EPB41L1: variants seen among roughly 807,000 people sequenced by gnomAD.
EPB41L1 encodes the protein erythrocyte membrane protein band 4.1 like 1.
A neutral mutation model predicts 97.8 loss-of-function variants in EPB41L1; 29 were observed. The ratio of observed to expected loss-of-function variants is 0.30; its 90% confidence interval spans 0.22 to 0.40. The LOEUF (loss-of-function observed/expected upper bound fraction) is 0.40, where lower values mean the gene tolerates loss of function less well. Among genes scored for constraint, EPB41L1 ranks in the 10% least tolerant of loss-of-function variants. The pLI is 1.00. For synonymous variants in EPB41L1, 383 were observed against 459.2 expected (o/e 0.83, Z 2.12); for missense variants, 812 against 1,162.3 (o/e 0.70, Z 4.38).
chr20:36,176,380 G>A (rs756266197), intron 3 of EPB41L1, among the ~76,000 whole-genome samples: 5 of 152,208 alleles, frequency 3.3e-5, no homozygotes, highest in East Asian at 1.9e-4. Flanking sequence ...CTGAGCTCTC[G>A]CTCGCCCCCT....
intron 14 of EPB41L1, chr20:36,201,087 C>T: frequency 2.5e-6 from 1 of 404,274 alleles, no homozygotes; most frequent in Non-Finnish European, 5.0e-6. Context: ...CAGATTCTGC[C>T]AAGCAGTTGG....
chr20:36,129,171 T>G (rs938942805), intron 2 of EPB41L1, among the ~76,000 whole-genome samples: 1 of 150,498 alleles, frequency 6.6e-6, no homozygotes, highest in African/African-American at 2.5e-5. Context: ...GTCCTGGGAG[T>G]GGTTTGGTTT....
chr20:36,138,813 G>A (rs2059520407), intron 2 of EPB41L1, among the ~76,000 whole-genome samples: 1 of 152,086 alleles, frequency 6.6e-6, no homozygotes, highest in Non-Finnish European at 1.5e-5. Flanking sequence ...TTTAACTATT[G>A]TGACATGCTG....
At chr20:36,142,284 A>C (rs569272612) in intron 2 of EPB41L1, among the ~76,000 whole-genome samples, 1 of 152,324 alleles carries the variant, frequency 6.6e-6, no homozygotes, top group South Asian at 2.1e-4. Context: ...GTATTTCAGC[A>C]TATGTATGTA....
chr20:36,207,812 G>A lies in EPB41L1; in HGVS notation c.1669-1676G>A, dbSNP rs913186368. ...GGCCGCGTGAGCCCCCGCCCCCACC[G>A]CTGCTCCCCGCCCATGGGGGCTGGC... is the stretch of plus-strand genomic sequence containing the variant. On this transcript the variant is annotated intron_variant, in intron 14 of 21. Coordinates refer to ENST00000338074, the MANE Select transcript of EPB41L1 (RefSeq NM_012156.2). This position sits in a 1 kb window ranked among gnomAD's most constrained non-coding sequence, Gnocchi z 4.9. 3.8e-5 allele frequency: 48 copies of A among 1,272,560 alleles called. No homozygotes were observed. The highest frequency in any genetic ancestry group is 9.4e-5 in the Admixed American group (4 of 42,500). 78.8% of individuals were successfully genotyped at this position (1,272,560 alleles called of 1,614,324 possible).
Position 36,177,961 on chromosome 20 carries a change from C to A in EPB41L1, c.352C>A (p.Arg118=), listed in dbSNP as rs559868386. The A allele has an allele frequency of 3.1e-6, 5 of 1,614,042 alleles. No individual in the cohort carries two copies. In the Admixed American group the frequency reaches 8.3e-5, roughly 27 times the overall value. Reference sequence around the variant, plus strand: ...CTGCTTCCCTCCTTAGAAACATGGCCGGGGCCAGGTGCTGTTTGACCTGGT... The same window carrying A: ...CTGCTTCCCTCCTTAGAAACATGGCAGGGGCCAGGTGCTGTTTGACCTGGT... The part of the protein sequence containing the change: ...EYECEVEKHG[R]GQVLFDLVCE... Residue 118 remains arginine, a synonymous_variant, in exon 4 of 22, where the codon CGG becomes AGG. Transcript: ENST00000338074.
At chr20:36,113,253 T>C (rs553703855) in intron 2 of EPB41L1, among the ~76,000 whole-genome samples, 78 of 152,272 alleles carry the variant, frequency 5.1e-4, no homozygotes, top group Middle Eastern at 3.4e-3. Flanking sequence ...TGGAGTTACA[T>C]TGATTGGGAA....
intron 11 of EPB41L1, among the ~76,000 whole-genome samples, chr20:36,193,404 A>G (rs1288813538): frequency 6.6e-6 from 1 of 152,262 alleles, no homozygotes; most frequent in African/African-American, 2.4e-5. Flanking sequence ...ATGAATAGAA[A>G]GGATAATTAT....
At chr20:36,115,057 G>A (rs1334362383) in intron 2 of EPB41L1, among the ~76,000 whole-genome samples, 1 of 152,162 alleles carries the variant, frequency 6.6e-6, no homozygotes, top group East Asian at 1.9e-4. Flanking sequence ...TAGCTAATGT[G>A]CATTGAATTA....
At chr20:36,121,105 A>G (rs1263134652) in intron 2 of EPB41L1, among the ~76,000 whole-genome samples, 2 of 151,022 alleles carry the variant, frequency 1.3e-5, no homozygotes, top group Non-Finnish European at 2.9e-5. Flanking sequence ...GATCTCAGAG[A>G]GCTAGATTTC....
At chr20:36,112,213 G>T (rs1166820965) in intron 1 of EPB41L1, among the ~76,000 whole-genome samples, 1 of 152,126 alleles carries the variant, frequency 6.6e-6, no homozygotes, top group Non-Finnish European at 1.5e-5. Context: ...TGGCCTCCAA[G>T]GTCCTTCGCT....
rs765673962 is a variant in EPB41L1, at chr20:36,204,471, CTTTTTTTTTTTTTT to C, written c.1669-5004_1669-4991del. On this transcript the variant is annotated intron_variant, in intron 14 of 21. Transcript: ENST00000338074. ...GGCCTAACAGTGCTGCGATCTGGTG[CTTTTTTTTTTTTTT>C]TTTTTTTTTTTTGAGATGGAGTTTT... Among the ~76,000 whole-genome samples the C allele has an allele frequency of 3.3e-5, 3 of 90,602 alleles. No individual in the cohort carries two copies. The South Asian group carries it at 1.1e-3, about 33-fold the overall frequency. The allele number at this position is 90,602 out of a possible 152,430, so 59.4% of individuals were successfully genotyped here. A position where few individuals can be genotyped will look rare whatever the true frequency, so the allele number is the denominator to read the frequency against.
intron 2 of EPB41L1, among the ~76,000 whole-genome samples, chr20:36,115,095 G>T (rs529825214): frequency 5.3e-5 from 8 of 152,306 alleles, no homozygotes; most frequent in African/African-American, 1.9e-4. Flanking sequence ...ATGTTCTATT[G>T]TTTTATGTGT....
chr20:36,147,377 G>A lies in EPB41L1; in HGVS notation c.-9-28174G>A, dbSNP rs551862595. ...ACTTGTGTAACTACCCCCCAGACAT[G>A]AACAGAATATGTCAGTATCTCCAGA... On this transcript the variant is annotated intron_variant, in intron 2 of 19. Coordinates refer to the EPB41L1 transcript ENST00000202028. Among the ~76,000 whole-genome samples the A allele has an allele frequency of 3.3e-5, 5 of 152,306 alleles. No homozygotes were observed. In the East Asian group the frequency reaches 9.6e-4, roughly 29 times the overall value.
At chr20:36,196,963 T>C (rs73289640) in intron 13 of EPB41L1, among the ~76,000 whole-genome samples, 13,947 of 152,264 alleles carry the variant, frequency 0.092, 1,566 homozygotes, top group African/African-American at 0.26. Context: ...CCTACAACTC[T>C]GGCTATACCT....
chr20:36,107,691 G>A (rs1022892403), intron 1 of EPB41L1, among the ~76,000 whole-genome samples: 12 of 44 alleles, frequency 0.27, no homozygotes, highest in Non-Finnish European at 0.35. Context: ...TTAGCCAGGC[G>A]TGGTGCACGT....
intron 2 of EPB41L1, among the ~76,000 whole-genome samples, chr20:36,131,389 T>G (rs575481475): frequency 1.3e-5 from 2 of 151,598 alleles, no homozygotes; most frequent in East Asian, 3.9e-4. Context: ...AGATTACAGG[T>G]GTGAGCCACC....
intron 21 of EPB41L1, among the ~76,000 whole-genome samples, chr20:36,228,315 A>G (rs961397661): frequency 1.3e-5 from 2 of 152,236 alleles, no homozygotes; most frequent in African/African-American, 4.8e-5. Context: ...GTATTTATTC[A>G]GCACTTACTA....
In EPB41L1 at chr20:36,131,264, C is replaced by T. The variant is rs534550396; in HGVS notation, c.-10+18784C>T. 1.4e-3 allele frequency among the ~76,000 whole-genome samples: 206 copies of T among 152,206 alleles called. 2 individuals carry two copies. The highest frequency in any genetic ancestry group is 6.8e-4 in the Non-Finnish European group (46 of 68,018). On this transcript the variant is annotated intron_variant, in intron 2 of 19. Coordinates refer to the EPB41L1 transcript ENST00000202028. ...TGCTGGGATTTCAGGCATGAGCCAC[C>T]GCGCCTGGCTAATTTTTGTATTTTT...
Sources: gnomAD v4.1 joint callset for allele counts (sites outside exome capture counted in the v4.1 genomes callset) on GRCh38, gnomAD v4.1.1 for gene constraint, Gnocchi (gnomAD v3.1) non-coding constraint, MANE v1.5 for transcripts, NCBI Gene and HGNC (gene_info 2026-07-23, HGNC 2026-07-21) for gene names.